KCNIP4: variants seen among roughly 807,000 people sequenced by gnomAD.
KCNIP4 encodes the protein Kv channel-interacting protein 4.
In KCNIP4, 12 loss-of-function variants were observed where a neutral mutation model predicts 34.0. The ratio of observed to expected loss-of-function variants is 0.35; its 90% CI spans 0.23 to 0.57. The LOEUF (loss-of-function observed/expected upper bound fraction) is 0.57. Among genes scored for constraint, KCNIP4 ranks in the 20% least tolerant of loss-of-function variants. The probability of loss-of-function intolerance (pLI) is 0.83; values close to 1 mark genes in which losing one functional copy is unlikely to be tolerated. For synonymous variants in KCNIP4, 124 were observed against 102.2 expected, an observed-to-expected ratio of 1.21 and a Z score of -1.29; for missense variants, 238 against 311.7, an observed-to-expected ratio of 0.76 and a Z score of 1.78.
At position 21,031,781 on chromosome 4, in the gene KCNIP4, C is replaced by T. The variant is rs541395846; in HGVS notation, c.62-149072G>A. On this transcript the variant is annotated intron_variant, in intron 1 of 8. Transcript: ENST00000382152. Reference sequence around the variant, plus strand: ...CAAATTCGAGTTATGTAGTCTGGTCCCTCCGGCCAACTCTACATCGCTAGC... The same window carrying T: ...CAAATTCGAGTTATGTAGTCTGGTCTCTCCGGCCAACTCTACATCGCTAGC... 7.2e-5 allele frequency among the ~76,000 whole-genome samples: 11 copies of T among 152,226 alleles called. No individual in the cohort carries two copies. In the South Asian group the frequency reaches 2.3e-3, roughly 32 times the overall value.
chr4:21,302,497 G>A (rs1711847386), intron 1 of KCNIP4, among the ~76,000 whole-genome samples: 4 of 152,158 alleles, frequency 2.6e-5, no homozygotes, highest in African/African-American at 9.7e-5. Flanking sequence ...ACACACAAAT[G>A]AACAGAGAAG....
chr4:20,952,883 C>T (rs1414860035), intron 1 of KCNIP4, among the ~76,000 whole-genome samples: 1 of 152,224 alleles, frequency 6.6e-6, no homozygotes, highest in Non-Finnish European at 1.5e-5. Flanking sequence ...GATTCTGTGT[C>T]TGGTAAGGAC....
chr4:20,731,304 C>G, intron 8 of KCNIP4: 8 of 768,732 alleles, frequency 1.0e-5, no homozygotes, highest in Non-Finnish European at 1.3e-5. Flanking sequence ...AAAATCCTGG[C>G]CTTAAGTTAT....
intron 1 of KCNIP4, among the ~76,000 whole-genome samples, chr4:20,979,459 C>T (rs1317226858): frequency 4.1e-5 from 6 of 146,550 alleles, no homozygotes; most frequent in African/African-American, 5.1e-5. Context: ...AGTGCAGTGG[C>T]GAGATCTCGG....
intron 1 of KCNIP4, among the ~76,000 whole-genome samples, chr4:21,939,825 C>T (rs555704401): frequency 2.6e-5 from 4 of 152,234 alleles, no homozygotes; most frequent in African/African-American, 7.2e-5. Flanking sequence ...AAAAGTTGAG[C>T]AGAATGTGAC....
At chr4:21,078,777 C>T (rs1265226165) in intron 1 of KCNIP4, among the ~76,000 whole-genome samples, 3 of 152,078 alleles carry the variant, frequency 2.0e-5, no homozygotes, top group Admixed American at 2.0e-4. Flanking sequence ...CTTATATGTT[C>T]TGCCAGGAAG....
At chr4:20,972,625 C>G (rs772212448) in intron 1 of KCNIP4, among the ~76,000 whole-genome samples, 1 of 152,078 alleles carries the variant, frequency 6.6e-6, no homozygotes, top group Non-Finnish European at 1.5e-5. Context: ...TTACAGAGCA[C>G]AGGCAGAATA....
intron 1 of KCNIP4, among the ~76,000 whole-genome samples, chr4:20,942,435 C>T (rs1731736655): frequency 6.6e-6 from 1 of 152,176 alleles, no homozygotes; most frequent in African/African-American, 2.4e-5. Flanking sequence ...GATGCAGAGG[C>T]AGTGAATCAC....
chr4:20,825,780 C>T (rs949760792), intron 3 of KCNIP4, among the ~76,000 whole-genome samples: 1 of 152,036 alleles, frequency 6.6e-6, no homozygotes, highest in Admixed American at 6.6e-5. Context: ...AATAATTGGT[C>T]AAGAACAGAA....
At chr4:21,269,467 G>A (rs908918088) in intron 1 of KCNIP4, among the ~76,000 whole-genome samples, 2 of 152,074 alleles carry the variant, frequency 1.3e-5, no homozygotes, top group Non-Finnish European at 2.9e-5. Flanking sequence ...GTGCAGTGGT[G>A]TGATCATGGC....
intron 1 of KCNIP4, among the ~76,000 whole-genome samples, chr4:20,885,837 C>A (rs1036826009): frequency 6.6e-6 from 1 of 152,180 alleles, no homozygotes; most frequent in Non-Finnish European, 1.5e-5. Context: ...CCTACTGTCT[C>A]AGGGCCTTTT....
At chr4:20,973,904 A>G (rs78895685) in intron 1 of KCNIP4, among the ~76,000 whole-genome samples, 2 of 152,148 alleles carry the variant, frequency 1.3e-5, no homozygotes, top group East Asian at 3.9e-4. Flanking sequence ...TCTGAACTCG[A>G]TTATTCCTGA....
intron 1 of KCNIP4, among the ~76,000 whole-genome samples, chr4:21,455,820 T>TGTTCTCAC: frequency 8.2e-5 from 4 of 48,796 alleles, no homozygotes; most frequent in Admixed American, 1.8e-4. Flanking sequence ...TATATATATA[T>TGTTCTCAC]ATATATATAT....
At chr4:21,265,391 A>G (rs950803948) in intron 1 of KCNIP4, among the ~76,000 whole-genome samples, 2 of 152,192 alleles carry the variant, frequency 1.3e-5, no homozygotes, top group African/African-American at 4.8e-5. Flanking sequence ...ATCTAGAAGT[A>G]ACTTTAAGAA....
intron 1 of KCNIP4, among the ~76,000 whole-genome samples, chr4:21,254,264 C>G (rs1478216875): frequency 6.6e-6 from 1 of 152,106 alleles, no homozygotes; most frequent in Non-Finnish European, 1.5e-5. Context: ...GCACCAGTAC[C>G]ATTGCAACTG....
intron 1 of KCNIP4, among the ~76,000 whole-genome samples, chr4:21,288,500 A>T (rs1763250024): frequency 6.6e-6 from 1 of 152,260 alleles, no homozygotes; most frequent in Non-Finnish European, 1.5e-5. Context: ...ACAAATGCTT[A>T]CATAGTGTTA....
At chr4:20,970,909 T>C (rs147993077) in intron 1 of KCNIP4, among the ~76,000 whole-genome samples, 1 of 152,288 alleles carries the variant, frequency 6.6e-6, no homozygotes, top group Non-Finnish European at 1.5e-5. Context: ...GCTTGAAATT[T>C]AGCAAAAGAG....
chr4:20,877,247 C>CT, intron 2 of KCNIP4, among the ~76,000 whole-genome samples: 1 of 152,296 alleles, frequency 6.6e-6, no homozygotes, highest in East Asian at 1.9e-4. Flanking sequence ...ATAGCTATGG[C>CT]TTTTTCCACC....
intron 1 of KCNIP4, among the ~76,000 whole-genome samples, chr4:20,883,154 G>T (rs1486192650): frequency 1.3e-5 from 2 of 152,010 alleles, no homozygotes; most frequent in Non-Finnish European, 2.9e-5. Flanking sequence ...TTTGATTATA[G>T]CAGAGATAGA....
Sources: gnomAD v4.1 joint callset for allele counts (sites outside exome capture counted in the v4.1 genomes callset) on GRCh38, gnomAD v4.1.1 for gene constraint, MANE v1.5 for transcripts, NCBI Gene and HGNC (gene_info 2026-07-23, HGNC 2026-07-21) for gene names.